ATG2A: variants seen among roughly 807,000 people sequenced by gnomAD.
The protein encoded by ATG2A is autophagy-related protein 2 homolog A.
In ATG2A, 103 loss-of-function variants were observed where a neutral mutation model predicts 214.2. That is an observed-to-expected ratio of 0.48 (90% CI 0.41 to 0.57). The LOEUF (loss-of-function observed/expected upper bound fraction) is 0.57. Ranked by LOEUF, ATG2A falls within the 20% of genes least tolerant of loss-of-function variation. The pLI, the probability that ATG2A is intolerant of heterozygous loss-of-function variation, is 0.00. For synonymous variants in ATG2A, 1,160 were observed against 1,142.1 expected, an observed-to-expected ratio of 1.02 and a Z score of -0.32; for missense variants, 2,312 against 2,613.2, an observed-to-expected ratio of 0.88 and a Z score of 2.51.
rs779584682 is a variant in ATG2A, at chr11:64,898,767, G to T, written c.4540C>A (p.Arg1514=). Residue 1514 remains arginine (R), a synonymous_variant, in exon 32 of 41, where the codon CGA becomes AGA. Coordinates refer to ENST00000377264, the MANE Select transcript of ATG2A (RefSeq NM_015104.3). The surrounding 1 kb of genome is among the most constrained non-coding windows in gnomAD (Gnocchi z 4.5). ...ATGAACACCTGACGGGACAGCGGTCGCTCCTCCAGCTCCTGGCTGGGGGCC... is the reference window on the plus strand; with the variant it reads ...ATGAACACCTGACGGGACAGCGGTCTCTCCTCCAGCTCCTGGCTGGGGGCC... ...PAAPSQELEE[R]PLSRQVFIVQ... 5 of 1,613,736 alleles carry T rather than the reference G, an allele frequency of 3.1e-6. No homozygotes were observed. In the East Asian group the frequency reaches 1.1e-4, roughly 36 times the overall value.
At chr11:64,910,580 T>G in intron 12 of ATG2A, 36 bp downstream of exon 12, 3 of 1,566,782 alleles carry the variant, frequency 1.9e-6, no homozygotes, top group Non-Finnish European at 2.6e-6. Context: ...CAACACGCCA[T>G]GGGGACAGCC....
chr11:64,912,034 G>A (rs1944792653), intron 8 of ATG2A, 51 bp downstream of exon 8: 3 of 1,613,086 alleles, frequency 1.9e-6, no homozygotes, highest in Non-Finnish European at 2.5e-6. Flanking sequence ...CCCCTAGGCT[G>A]CTGCACCCAC....
At chr11:64,900,406 G>C (rs1944310632) in intron 31 of ATG2A, 88 bp downstream of exon 31, 3 of 1,590,424 alleles carry the variant, frequency 1.9e-6, no homozygotes, top group Non-Finnish European at 2.6e-6. Context: ...GTTTTCCTCT[G>C]CATTAGTCAT....
chr11:64,916,445 GGTT>G (rs1368837174), intron 1 of ATG2A, among the ~76,000 whole-genome samples: 1 of 152,182 alleles, frequency 6.6e-6, no homozygotes, highest in Non-Finnish European at 1.5e-5. Context: ...GTACTGACGC[GGTT>G]GTTGACATAC....
At chr11:64,915,913 TG>T (rs1241298928) in intron 1 of ATG2A, among the ~76,000 whole-genome samples, 2 of 152,120 alleles carry the variant, frequency 1.3e-5, no homozygotes, top group East Asian at 1.9e-4. Context: ...AGCAGGCCAC[TG>T]GGGGGTGCCC....
intron 24 of ATG2A, among the ~76,000 whole-genome samples, chr11:64,904,709 C>T (rs1023653301): frequency 6.6e-6 from 1 of 152,144 alleles, no homozygotes; most frequent in Non-Finnish European, 1.5e-5. Context: ...TGCAGCTGCA[C>T]GCCGAGACAT....
At position 64,911,949 on chromosome 11, in the gene ATG2A, C is replaced by A; in HGVS notation, c.1121G>T (p.Ser374Ile). The change falls in exon 9 of 41, where the codon AGT becomes ATT. Residue 374 changes from serine to isoleucine, a missense_variant. Physicochemically the swap from Ser to Ile is moderately radical, Grantham distance 142 (BLOSUM62 -2). Transcript: ENST00000377264. ...LFFSMAGLTS[S>I]VASALSELSL... ...GAGCTCAGAGAGGGCTGAGGCCACACTGCTTGTGAGGCCAGCCATGGAGAA... is the reference window on the plus strand; with the variant it reads ...GAGCTCAGAGAGGGCTGAGGCCACAATGCTTGTGAGGCCAGCCATGGAGAA... The A allele has an allele frequency of 6.2e-7, 1 of 1,613,710 alleles. No individual in the cohort carries two copies. The highest frequency in any genetic ancestry group is 8.5e-7 in the Non-Finnish European group (1 of 1,179,812).
intron 12 of ATG2A, 77 bp downstream of exon 12, chr11:64,910,539 G>C: frequency 6.8e-7 from 1 of 1,474,858 alleles, no homozygotes; most frequent in Non-Finnish European, 9.2e-7. Flanking sequence ...CTGGGCAGCA[G>C]AGGAGGCCCT....
At chr11:64,904,809 A>G (rs1944480138) in intron 24 of ATG2A, among the ~76,000 whole-genome samples, 1 of 1,624 alleles carries the variant, frequency 6.2e-4, no homozygotes, top group Non-Finnish European at 2.8e-3. Flanking sequence ...GCATCTTTCT[A>G]TATTTTTTAT....
Position 64,906,656 on chromosome 11 carries a change from GCCTCACA to G in ATG2A, c.2983+2_2983+8del. Reference sequence around the variant, plus strand: ...GACCCCAGTGGTGACCTGCCCCCAGGCCTCACACCTCGGTGGTAGAGTGTTGCCTTTT... The same window carrying G: ...GACCCCAGTGGTGACCTGCCCCCAGGCCTCGGTGGTAGAGTGTTGCCTTTT... On this transcript the variant is annotated splice_donor_variant and splice_donor_5th_base_variant and intron_variant, in intron 20 of 40. Transcript: ENST00000377264. LOFTEE classifies it high-confidence loss of function. The G allele has an allele frequency of 6.2e-7, 1 of 1,613,364 alleles. No individual in the cohort carries two copies.
chr11:64,904,788 A>G (rs1944479408), intron 24 of ATG2A, among the ~76,000 whole-genome samples: 1 of 115,246 alleles, frequency 8.7e-6, no homozygotes, highest in Non-Finnish European at 1.8e-5. Flanking sequence ...TTGAGTAAAC[A>G]CTGTACTGTG....
intron 1 of ATG2A, among the ~76,000 whole-genome samples, chr11:64,916,590 C>T (rs1213365511): frequency 6.6e-6 from 1 of 152,106 alleles, no homozygotes; most frequent in Non-Finnish European, 1.5e-5. Context: ...TGCGCAGGCC[C>T]AAGTCTGTCA....
chr11:64,913,148 G>A lies in ATG2A; in HGVS notation c.727-12C>T. 23 of 1,586,976 alleles carry A rather than the reference G, an allele frequency of 1.4e-5. No homozygotes were observed. Among genetic ancestry groups the A allele is most frequent in the Non-Finnish European group, 1.8e-5 (21 of 1,163,980 alleles). ...TCTGGAGGCTCTTCCTGGGAGACGG[G>A]AGGATACAAGAGGGAAAGGTTGAGA... On this transcript the variant is annotated splice_polypyrimidine_tract_variant and intron_variant, in intron 5 of 40. Transcript: ENST00000377264. This position sits in a 1 kb window ranked among gnomAD's most constrained non-coding sequence, Gnocchi z 4.3.
At position 64,909,313 on chromosome 11, in the gene ATG2A, G is replaced by A; in HGVS notation, c.2162C>T (p.Ala721Val). 1.2e-6 allele frequency: 2 copies of A among 1,613,712 alleles called. No homozygotes were observed. The highest frequency in any genetic ancestry group is 1.7e-6 in the Non-Finnish European group (2 of 1,180,004). ...GCGCCCAGTGCTCTTGGGGTCCAGG[G>A]CTTTGGAGACACGCAGGCAAGGGAC... ...PPVPCLRVSK[A>V]LDPKSTGRKY... is the part of the protein sequence containing the mutation. The change falls in exon 15 of 41, where the codon GCC (alanine) becomes GTC (valine). Residue 721 changes from alanine to valine, a missense_variant. Physicochemically the swap from Ala to Val is moderately conservative, Grantham distance 64. Coordinates refer to ENST00000377264, the MANE Select transcript of ATG2A (RefSeq NM_015104.3).
Position 64,895,234 on chromosome 11 carries a change from G to A in ATG2A, c.5581-25C>T. The A allele has an allele frequency of 6.2e-7, 1 of 1,613,146 alleles. No homozygotes were observed. The highest frequency in any genetic ancestry group is 8.5e-7 in the Non-Finnish European group (1 of 1,179,846). ...CCTGTGGAAGCCAGAGGTCAGGGCG[G>A]GGTCTGTGTGAGGAGATGGGCATGG... is the stretch of plus-strand genomic sequence containing the variant. On this transcript the variant is annotated intron_variant, in intron 40 of 40. Transcript: ENST00000377264. The surrounding 1 kb of genome is among the most constrained non-coding windows in gnomAD (Gnocchi z 5.0).
chr11:64,901,049 G>T lies in ATG2A; in HGVS notation c.4163C>A (p.Pro1388His). The change falls in exon 30 of 41, where the codon CCC (proline) becomes CAC (histidine). Residue 1388 changes from proline to histidine, a missense_variant. Physicochemically the swap from Pro to His is moderately conservative, Grantham distance 77. Transcript: ENST00000377264. Reference sequence around the variant, plus strand: ...GAAGTAACCGTCCCTCACAACGATGGGGCCGGGATGCAGCTGTGTCACCAC... The same window carrying T: ...GAAGTAACCGTCCCTCACAACGATGTGGCCGGGATGCAGCTGTGTCACCAC... ...EPVVTQLHPG[P>H]IVVRDGYFSR... 6.3e-7 allele frequency: 1 copy of T among 1,583,476 alleles called. No individual in the cohort carries two copies.
rs771979737 is a variant in ATG2A, at chr11:64,901,004, G to A, written c.4208C>T (p.Thr1403Met). 28 of 1,590,238 alleles carry A rather than the reference G, an allele frequency of 1.8e-5. No individual in the cohort carries two copies. The highest frequency in any genetic ancestry group is 1.7e-4 in the Middle Eastern group (1 of 6,060). ...ATGGGCAGGTGCCCGCAGCAAGTCC[G>A]TGCTGCCGATCGGCCGTGAGAAGTA... ...DGYFSRPIGS[T>M]DLLRAPAHFP... is the part of the protein sequence containing the mutation. Residue 1403 changes from threonine to methionine, a missense_variant, in exon 30 of 41, where the codon ACG becomes ATG. Physicochemically the swap from Thr to Met is moderately conservative, Grantham distance 81. Transcript: ENST00000377264.
In ATG2A at chr11:64,900,499, T is replaced by C. The variant is rs1376303858; in HGVS notation, c.4459A>G (p.Ser1487Gly). 1 of 1,613,522 alleles carries C rather than the reference T, an allele frequency of 6.2e-7. No homozygotes were observed. The change falls in exon 31 of 41, where the codon AGC (serine) becomes GGC (glycine). Residue 1487 changes from serine to glycine, a missense_variant. Ser to Gly is a moderately conservative substitution (Grantham distance 56). Coordinates refer to ENST00000377264, the MANE Select transcript of ATG2A (RefSeq NM_015104.3). The stretch of plus-strand genomic sequence containing the variant: ...GCACTCGCCACCCCACTCACCTTGC[T>C]CAGCTGGATCTCCATGAGGACATGG... ...QHHVLMEIQL[S>G]KVSFQHEVYP...
At chr11:64,909,485 G>T in intron 14 of ATG2A, 118 bp from the exon 15 acceptor site, 1 of 1,391,430 alleles carries the variant, frequency 7.2e-7, no homozygotes, top group Non-Finnish European at 9.9e-7. Context: ...GGTGGGCAGA[G>T]AAAGCCAGAG....
Sources: gnomAD v4.1 joint callset for allele counts (sites outside exome capture counted in the v4.1 genomes callset) on GRCh38, gnomAD v4.1.1 for gene constraint, Gnocchi (gnomAD v3.1) non-coding constraint, MANE v1.5 for transcripts, NCBI Gene and HGNC (gene_info 2026-07-23, HGNC 2026-07-21) for gene names.